WRN: variants seen among roughly 807,000 people sequenced by gnomAD.
The protein encoded by WRN is WRN RecQ like helicase.
Under a neutral mutation model 180.7 loss-of-function variants are expected in WRN, and 149 were observed. That is an observed-to-expected ratio of 0.82 (90% CI 0.72 to 0.94). WRN has a LOEUF of 0.94. WRN is among the 40% of genes least tolerant of loss of function. WRN has a pLI of 0.00. For synonymous variants in WRN, 548 were observed against 568.9 expected (o/e 0.96, Z 0.52); for missense variants, 1,661 against 1,700.1 (o/e 0.98, Z 0.40).
intron 31 of WRN, 65 bp from the exon 32 acceptor site, chr8:31,154,559 C>T: frequency 6.6e-7 from 1 of 1,514,332 alleles, no homozygotes; most frequent in Non-Finnish European, 8.9e-7. Context: ...GGCTAATTAT[C>T]ATACATATAT....
chr8:31,093,206 A>C (rs1813827687), intron 16 of WRN, among the ~76,000 whole-genome samples: 1 of 152,200 alleles, frequency 6.6e-6, no homozygotes, highest in South Asian at 2.1e-4. Flanking sequence ...ATTACAAATA[A>C]AGCTGAGACA....
At position 31,175,365 on chromosome 8, in the gene WRN, G is replaced by T. The variant is rs1804246370; in HGVS notation, c.*2263G>T. Among the ~76,000 whole-genome samples the T allele has an allele frequency of 6.6e-6, 1 of 152,128 alleles. No individual in the cohort carries two copies. The highest frequency in any genetic ancestry group is 1.5e-5 in the Non-Finnish European group (1 of 68,010). On this transcript the variant is annotated 3_prime_UTR_variant, in exon 35 of 35. Transcript: ENST00000298139. ...CAGGAGAATCGCTTGAACTCAGGAG[G>T]CGGAGATTGCAGTGAGCTGAGACTG... is the stretch of plus-strand genomic sequence containing the variant.
In WRN at chr8:31,175,429, G is replaced by A. The variant is rs536481068; in HGVS notation, c.*2327G>A. ...CAGCCTGGCGACAGAGCAAGACTCCGTCTCAAAAATAAAAAAAGAAATCAT... is the reference window on the plus strand; with the variant it reads ...CAGCCTGGCGACAGAGCAAGACTCCATCTCAAAAATAAAAAAAGAAATCAT... On this transcript the variant is annotated 3_prime_UTR_variant, in exon 35 of 35. Coordinates refer to ENST00000298139, the MANE Select transcript of WRN (RefSeq NM_000553.6). Among the ~76,000 whole-genome samples the A allele has an allele frequency of 1.7e-4, 26 of 152,192 alleles. No individual in the cohort carries two copies. Among genetic ancestry groups the A allele is most frequent in the Non-Finnish European group, 2.1e-4 (14 of 67,998 alleles).
intron 33 of WRN, among the ~76,000 whole-genome samples, chr8:31,162,660 C>A (rs1280277017): frequency 6.6e-6 from 1 of 152,174 alleles, no homozygotes; most frequent in African/African-American, 2.4e-5. Flanking sequence ...TACACCATTA[C>A]CACCACAAAC....
chr8:31,041,936 C>T (rs923003061), intron 1 of WRN, among the ~76,000 whole-genome samples: 1 of 152,094 alleles, frequency 6.6e-6, no homozygotes, highest in South Asian at 2.1e-4. Flanking sequence ...AGTAATAAAG[C>T]CAGAAGGGCA....
intron 34 of WRN, among the ~76,000 whole-genome samples, chr8:31,169,214 T>C (rs1804012621): frequency 6.6e-6 from 1 of 151,786 alleles, no homozygotes; most frequent in Non-Finnish European, 1.5e-5. Context: ...AATTTTTTTC[T>C]TCCTTTTCAC....
At chr8:31,090,582 A>G (rs1813709190) in intron 14 of WRN, 50 bp downstream of exon 14, 1 of 1,544,386 alleles carries the variant, frequency 6.5e-7, no homozygotes, top group African/African-American at 1.4e-5. Context: ...TAAAACATAA[A>G]GAGTTTGAAA....
chr8:31,141,627 T>G, intron 25 of WRN, 27 bp downstream of exon 25: 1 of 1,614,162 alleles, frequency 6.2e-7, no homozygotes, highest in Non-Finnish European at 8.5e-7. Flanking sequence ...TCTGCCTGTT[T>G]GACTTAATTT....
intron 18 of WRN, 38 bp downstream of exon 18, chr8:31,100,993 C>T (rs1814205271): frequency 1.3e-6 from 2 of 1,545,842 alleles, no homozygotes; most frequent in African/African-American, 2.7e-5. Flanking sequence ...AAATTACATT[C>T]TTAATAAGGA....
chr8:31,147,156 TTTATGATAGGATAG>T, intron 29 of WRN, 28 bp downstream of exon 29: 2 of 1,600,638 alleles, frequency 1.2e-6, no homozygotes, highest in South Asian at 2.2e-5. Flanking sequence ...AGGTAATTAG[TTTATGATAGGATAG>T]TTATGATTCT....
intron 31 of WRN, among the ~76,000 whole-genome samples, chr8:31,152,194 G>T (rs2162072): frequency 6.6e-6 from 1 of 152,064 alleles, no homozygotes; most frequent in African/African-American, 2.4e-5. Flanking sequence ...GCAAAAATGT[G>T]ATCAAATCGT....
chr8:31,064,348 A>ATC lies in WRN; in HGVS notation c.270_271insCT (p.Arg91LeufsTer10). 2 of 1,614,156 alleles carry ATC rather than the reference A, an allele frequency of 1.2e-6. No homozygotes were observed. The highest frequency in any genetic ancestry group is 1.7e-6 in the Non-Finnish European group (2 of 1,180,008). On this transcript the variant is annotated frameshift_variant, in exon 4 of 35. Coordinates refer to ENST00000298139, the MANE Select transcript of WRN (RefSeq NM_000553.6). LOFTEE classifies it high-confidence loss of function. ...GACATGGAGTGGCCACCATTATACA[A>ATC]TAGAGGGAAACTTGGCAAAGTTGCA...
chr8:31,042,561 A>C (rs1411496774), intron 1 of WRN, among the ~76,000 whole-genome samples: 1 of 152,202 alleles, frequency 6.6e-6, no homozygotes, highest in African/African-American at 2.4e-5. Flanking sequence ...AGGTGCCTTA[A>C]AGCACCTTTT....
intron 23 of WRN, among the ~76,000 whole-genome samples, chr8:31,128,042 T>C (rs769205065): frequency 2.0e-5 from 3 of 151,690 alleles, no homozygotes; most frequent in Non-Finnish European, 4.4e-5. Context: ...CCCAAGACTT[T>C]GAGAACAGCC....
intron 33 of WRN, among the ~76,000 whole-genome samples, chr8:31,158,220 G>A (rs184058981): frequency 1.7e-4 from 26 of 151,982 alleles, no homozygotes; most frequent in Non-Finnish European, 3.1e-4. Flanking sequence ...CTTGTCATTG[G>A]TTTCGCTTGA....
At chr8:31,140,955 C>A (rs1361110995) in intron 24 of WRN, among the ~76,000 whole-genome samples, 1 of 152,080 alleles carries the variant, frequency 6.6e-6, no homozygotes, top group Non-Finnish European at 1.5e-5. Flanking sequence ...CGGGGTTTCA[C>A]CATGTTAGCC....
intron 27 of WRN, among the ~76,000 whole-genome samples, chr8:31,143,056 T>TC (rs760602455): frequency 4.3e-5 from 5 of 115,634 alleles, no homozygotes; most frequent in Non-Finnish European, 5.6e-5. Context: ...CACACACACA[T>TC]TCTCTCTCTC....
At chr8:31,091,218 C>T (rs1813737253) in intron 15 of WRN, among the ~76,000 whole-genome samples, 1 of 152,046 alleles carries the variant, frequency 6.6e-6, no homozygotes, top group South Asian at 2.1e-4. Context: ...AAATTCTTTT[C>T]TCTTTTTGTT....
chr8:31,162,553 A>G (rs1274574270), intron 33 of WRN, among the ~76,000 whole-genome samples: 1 of 152,232 alleles, frequency 6.6e-6, no homozygotes, highest in East Asian at 1.9e-4. Flanking sequence ...ACATAAACAT[A>G]GTAACATAGT....
Sources: allele counts gnomAD v4.1 joint callset (sites outside exome capture counted in the v4.1 genomes callset), GRCh38; gene constraint gnomAD v4.1.1; transcripts MANE v1.5; gene names NCBI Gene and HGNC (gene_info 2026-07-23, HGNC 2026-07-21).